NKAIN3: variants seen among roughly 807,000 people sequenced by gnomAD.
NKAIN3 encodes the protein sodium/potassium transporting ATPase interacting 3, also known as sodium/potassium-transporting ATPase subunit beta-1-interacting protein 3.
Under a neutral mutation model 30.2 loss-of-function variants are expected in NKAIN3, and 25 were observed. That is an observed-to-expected ratio of 0.83 (90% CI 0.60 to 1.16). NKAIN3 has a LOEUF of 1.16. NKAIN3 is among the 50% of genes most tolerant of loss of function. The pLI is 0.00. For missense variants in NKAIN3, 225 were observed against 254.1 expected, an observed-to-expected ratio of 0.89 and a Z score of 0.78; for synonymous variants, 91 against 89.6, an observed-to-expected ratio of 1.02 and a Z score of -0.09.
Position 62,766,113 on chromosome 8 carries a change from A to G in NKAIN3, c.471+18984A>G, listed in dbSNP as rs75351979. Among the ~76,000 whole-genome samples, 16 of 152,330 alleles carry G rather than the reference A, an allele frequency of 1.1e-4. No individual in the cohort carries two copies. The East Asian group carries it at 3.1e-3, about 29-fold the overall frequency. On this transcript the variant is annotated intron_variant, in intron 4 of 6. Coordinates refer to ENST00000623646, the MANE Select transcript of NKAIN3 (RefSeq NM_001304533.3). Reference sequence around the variant, plus strand: ...GATTCCGTATCTCAATATAACAGATATAAAACATGTTGACACAGTCCTATG... The same window carrying G: ...GATTCCGTATCTCAATATAACAGATGTAAAACATGTTGACACAGTCCTATG...
At chr8:62,907,091 A>G (rs923495021) in intron 4 of NKAIN3, among the ~76,000 whole-genome samples, 2 of 152,176 alleles carry the variant, frequency 1.3e-5, no homozygotes, top group African/African-American at 4.8e-5. Flanking sequence ...AGTCTCAGAT[A>G]GAGATGAGGA....
At chr8:62,942,638 AG>A (rs1187818004) in intron 5 of NKAIN3, among the ~76,000 whole-genome samples, 5 of 152,128 alleles carry the variant, frequency 3.3e-5, no homozygotes, top group African/African-American at 9.7e-5. Context: ...CTATGCTACA[AG>A]GCTATAGTCA....
chr8:62,892,134 T>G (rs772928231), intron 4 of NKAIN3, among the ~76,000 whole-genome samples: 2 of 152,234 alleles, frequency 1.3e-5, no homozygotes, highest in Non-Finnish European at 2.9e-5. Flanking sequence ...ATAGTTCCTT[T>G]TTATACAACC....
intron 1 of NKAIN3, among the ~76,000 whole-genome samples, chr8:62,445,411 T>C (rs1805457603): frequency 6.6e-6 from 1 of 152,130 alleles, no homozygotes; most frequent in Non-Finnish European, 1.5e-5. Flanking sequence ...GAGCTCCTTA[T>C]ATTATACCCA....
chr8:62,293,967 C>G (rs1481710648), intron 1 of NKAIN3, among the ~76,000 whole-genome samples: 1 of 152,182 alleles, frequency 6.6e-6, no homozygotes, highest in Non-Finnish European at 1.5e-5. Flanking sequence ...TCACTGCAGC[C>G]TTGCAGTTCC....
intron 3 of NKAIN3, among the ~76,000 whole-genome samples, chr8:62,655,802 C>A (rs530917591): frequency 1.3e-5 from 2 of 151,988 alleles, no homozygotes; most frequent in African/African-American, 4.8e-5. Flanking sequence ...GGTGTCCAAA[C>A]AACAGGTGTT....
At chr8:62,762,719 G>A (rs1816705290) in intron 4 of NKAIN3, among the ~76,000 whole-genome samples, 2 of 152,074 alleles carry the variant, frequency 1.3e-5, no homozygotes, top group South Asian at 2.1e-4. Flanking sequence ...AGAGGAAGTG[G>A]TATGTTAGGT....
intron 4 of NKAIN3, among the ~76,000 whole-genome samples, chr8:62,830,733 A>G (rs1157432967): frequency 2.6e-5 from 4 of 152,158 alleles, no homozygotes; most frequent in African/African-American, 7.2e-5. Context: ...AGGGTCCTCT[A>G]TGCTCCACAC....
Position 62,662,005 on chromosome 8 carries a change from A to G in NKAIN3, c.273+72211A>G, listed in dbSNP as rs375554191. Among the ~76,000 whole-genome samples the G allele has an allele frequency of 2.1e-4, 32 of 152,272 alleles. No individual in the cohort carries two copies. In the East Asian group the frequency reaches 5.6e-3, roughly 27 times the overall value. On this transcript the variant is annotated intron_variant, in intron 3 of 6. Transcript: ENST00000623646. ...TCTTACTAGTATATTTCACCCACCA[A>G]GGTCACTATGTGACTCTGAGAGGCT...
intron 4 of NKAIN3, chr8:62,864,292 C>T: frequency 7.7e-7 from 1 of 1,299,902 alleles, no homozygotes; most frequent in East Asian, 2.3e-5. Context: ...AGCTGAGGAC[C>T]AGGAAGAGAA....
chr8:62,276,163 T>G (rs1812951052), intron 1 of NKAIN3, among the ~76,000 whole-genome samples: 1 of 152,168 alleles, frequency 6.6e-6, no homozygotes, highest in Non-Finnish European at 1.5e-5. Context: ...CCTCCTGGGC[T>G]CACGCGATTC....
chr8:62,913,930 C>T (rs10957256), intron 4 of NKAIN3, among the ~76,000 whole-genome samples: 103,305 of 152,090 alleles, frequency 0.68, 36,021 homozygotes, highest in East Asian at 0.9. Flanking sequence ...TGAAAATCGG[C>T]GTGGCAATTC....
At chr8:62,589,669 T>C (rs989977732) in intron 2 of NKAIN3, 45 bp from the exon 3 acceptor site, 7 of 834,980 alleles carry the variant, frequency 8.4e-6, no homozygotes, top group African/African-American at 1.7e-5. Context: ...ATGCCTTTCA[T>C]CTCCATATTT....
chr8:62,547,710 T>G (rs561772282), intron 1 of NKAIN3, among the ~76,000 whole-genome samples: 7 of 152,192 alleles, frequency 4.6e-5, no homozygotes, highest in Non-Finnish European at 7.3e-5. Context: ...AGCATTTAGA[T>G]ATCAAGTGTT....
chr8:62,909,964 AATAG>A (rs1326402596), intron 4 of NKAIN3, among the ~76,000 whole-genome samples: 1 of 152,116 alleles, frequency 6.6e-6, no homozygotes, highest in African/African-American at 2.4e-5. Context: ...TCCATTAGTG[AATAG>A]TTAGATCTGA....
chr8:62,700,525 T>A (rs1216058316), intron 3 of NKAIN3, among the ~76,000 whole-genome samples: 1 of 152,218 alleles, frequency 6.6e-6, no homozygotes, highest in Non-Finnish European at 1.5e-5. Context: ...AAATATAATC[T>A]CTTTTTCCAT....
intron 1 of NKAIN3, among the ~76,000 whole-genome samples, chr8:62,425,214 G>A (rs1370122012): frequency 1.3e-5 from 2 of 151,776 alleles, no homozygotes; most frequent in African/African-American, 4.8e-5. Context: ...GTTCAACATT[G>A]TGTCTATAGT....
At chr8:62,718,479 T>C (rs1006807274) in intron 3 of NKAIN3, among the ~76,000 whole-genome samples, 3 of 152,210 alleles carry the variant, frequency 2.0e-5, no homozygotes, top group Admixed American at 1.3e-4. Flanking sequence ...CAATTCACCT[T>C]GCTAATTCAT....
chr8:62,922,321 T>C (rs1398578318), intron 5 of NKAIN3, among the ~76,000 whole-genome samples: 2 of 152,190 alleles, frequency 1.3e-5, no homozygotes, highest in Non-Finnish European at 2.9e-5. Flanking sequence ...TGAGGTGATA[T>C]TTCCATAGCA....
Sources: gnomAD v4.1 joint callset for allele counts (sites outside exome capture counted in the v4.1 genomes callset) on GRCh38, gnomAD v4.1.1 for gene constraint, MANE v1.5 for transcripts, NCBI Gene and HGNC (gene_info 2026-07-23, HGNC 2026-07-21) for gene names.